Variants in SEPTIN8 observed in about 807,000 individuals in gnomAD.
The protein encoded by SEPTIN8 is septin-8.
SEPTIN8 carries 22 observed loss-of-function variants against 53.1 expected under a neutral mutation model. The observed-to-expected ratio is 0.41, with a 90% CI of 0.30 to 0.59. SEPTIN8 has a LOEUF of 0.59. Ranked by LOEUF, SEPTIN8 falls within the 20% of genes least tolerant of loss-of-function variation. SEPTIN8 has a pLI of 0.24. For missense variants in SEPTIN8, 536 were observed against 638.7 expected (o/e 0.84, Z 1.73); for synonymous variants, 228 against 248.4 (o/e 0.92, Z 0.77).
chr5:132,767,627 C>T (rs1358201777), intron 1 of SEPTIN8, among the ~76,000 whole-genome samples: 1 of 152,100 alleles, frequency 6.6e-6, no homozygotes, highest in Non-Finnish European at 1.5e-5. Flanking sequence ...GACAATGCTA[C>T]CATTTATAAG....
rs370322528 is a variant in SEPTIN8 at position 132,762,668 on chromosome 5, C to G, written c.535-23G>C. ...CACCTGCCAGGATCAGGGGAGGGGA[C>G]AGCAGGCTGGTTGGCTCTTTTGAGC... On this transcript the variant is annotated intron_variant, in intron 4 of 9. Transcript: ENST00000378719. 8.7e-6 allele frequency: 14 copies of G among 1,613,758 alleles called. 1 individual carries two copies. The South Asian group carries it at 1.4e-4, about 16-fold the overall frequency.
At chr5:132,766,171 C>G (rs1239940071) in intron 1 of SEPTIN8, among the ~76,000 whole-genome samples, 1 of 152,220 alleles carries the variant, frequency 6.6e-6, no homozygotes, top group Non-Finnish European at 1.5e-5. Flanking sequence ...ACAACCCCCC[C>G]GTGGGGCTCA....
intron 9 of SEPTIN8, chr5:132,758,535 A>C (rs1162058927): frequency 1.2e-6 from 2 of 1,613,404 alleles, no homozygotes; most frequent in Admixed American, 1.7e-5. Context: ...TGACACTGTA[A>C]ATGGAAGACC....
At chr5:132,752,866 G>C in intron 9 of SEPTIN8, 3 of 1,613,178 alleles carry the variant, frequency 1.9e-6, no homozygotes, top group Non-Finnish European at 2.5e-6. Context: ...TCTAATACAG[G>C]TTGGTGATAT....
Position 132,760,374 on chromosome 5 carries a change from G to T in SEPTIN8, c.1286+428C>A, listed in dbSNP as rs907289171. Reference sequence around the variant, plus strand: ...TTCCCAGCATTCCCAGAGCCCTGCAGCTTCGCCCTCTCCACGCTGCTCCTC... The same window carrying T: ...TTCCCAGCATTCCCAGAGCCCTGCATCTTCGCCCTCTCCACGCTGCTCCTC... On this transcript the variant is annotated intron_variant, in intron 9 of 9. Transcript: ENST00000378719. This position sits in a 1 kb window ranked among gnomAD's most constrained non-coding sequence, Gnocchi z 5.2. Among the ~76,000 whole-genome samples the T allele has an allele frequency of 6.6e-6, 1 of 152,164 alleles. No individual in the cohort carries two copies. Among genetic ancestry groups the T allele is most frequent in the East Asian group, 1.9e-4 (1 of 5,152 alleles).
Position 132,761,235 on chromosome 5 carries a change from C to G in SEPTIN8, c.993G>C (p.Lys331Asn), listed in dbSNP as rs1473036173. The G allele has an allele frequency of 6.2e-7, 1 of 1,614,026 alleles. No individual in the cohort carries two copies. Among genetic ancestry groups the G allele is most frequent in the African/African-American group, 1.3e-5 (1 of 74,930 alleles). ...SLQETYEAKR[K>N]EFLSELQRKE... ...TCCTCTGCAGCTCACTTAGGAACTC[C>G]TTCCTCTTGGCCTCGTATGTCTCTT... is the stretch of plus-strand genomic sequence containing the variant. The change falls in exon 8 of 10, where the codon AAG (lysine) becomes AAC (asparagine). Residue 331 changes from lysine to asparagine, a missense_variant. Coordinates refer to ENST00000378719, the MANE Select transcript of SEPTIN8 (RefSeq NM_001098811.2). The surrounding 1 kb of genome is among the most constrained non-coding windows in gnomAD (Gnocchi z 5.8).
Position 132,751,766 on chromosome 5 carries a change from T to TTTTTC in SEPTIN8, c.*249_*250insGAAAA. On this transcript the variant is annotated 3_prime_UTR_variant, in exon 10 of 10. Transcript: ENST00000378719. Reference sequence around the variant, plus strand: ...CACAAAGCAGACTTTTTTTTTTTTTTGGTCCCGGAGTGGAAGCTCAGCTTG... The same window carrying TTTTTC: ...CACAAAGCAGACTTTTTTTTTTTTTTTTTTCGGTCCCGGAGTGGAAGCTCAGCTTG... 1.6e-6 allele frequency: 1 copy of TTTTTC among 608,260 alleles called. No individual in the cohort carries two copies. Among genetic ancestry groups the TTTTTC allele is most frequent in the African/African-American group, 1.9e-5 (1 of 53,630 alleles). The allele number at this position is 608,260 out of a possible 1,614,324, so 37.7% of individuals were successfully genotyped here.
intron 1 of SEPTIN8, chr5:132,774,079 G>A (rs1477219847): frequency 6.1e-6 from 1 of 163,860 alleles, no homozygotes; most frequent in African/African-American, 2.4e-5. Flanking sequence ...ATATCACTCT[G>A]ACAGAGACCT....
At position 132,762,456 on chromosome 5, in the gene SEPTIN8, G is replaced by A. The variant is rs947544539; in HGVS notation, c.696+28C>T. ...CCGGCTCCTCGCCCTCTGGCCCCAG[G>A]GCCCTGAGGCCCTCACCCAACGCTC... On this transcript the variant is annotated intron_variant, in intron 5 of 9. Transcript: ENST00000378719. The A allele has an allele frequency of 5.6e-6, 9 of 1,610,974 alleles. No individual in the cohort carries two copies. The African/African-American group carries it at 1.1e-4, about 19-fold the overall frequency.
intron 3 of SEPTIN8, 121 bp downstream of exon 3, chr5:132,764,103 C>T (rs1756309150): frequency 5.3e-6 from 6 of 1,128,794 alleles, no homozygotes; most frequent in Non-Finnish European, 7.5e-6. Flanking sequence ...CACAGAGCCT[C>T]AGATATTCCC....
In SEPTIN8 at chr5:132,761,281, G is replaced by T. The variant is rs761025585; in HGVS notation, c.963-16C>A. Reference sequence around the variant, plus strand: ...CTCTTGTAGGCTGTGGAGACCCAGAGAAAAGAGGCCAAGGATGGGATTATG... The same window carrying T: ...CTCTTGTAGGCTGTGGAGACCCAGATAAAAGAGGCCAAGGATGGGATTATG... On this transcript the variant is annotated splice_polypyrimidine_tract_variant and intron_variant, in intron 7 of 9. Coordinates refer to ENST00000378719, the MANE Select transcript of SEPTIN8 (RefSeq NM_001098811.2). This position sits in a 1 kb window ranked among gnomAD's most constrained non-coding sequence, Gnocchi z 5.8. 1.2e-5 allele frequency: 19 copies of T among 1,612,478 alleles called. No homozygotes were observed. Among genetic ancestry groups the T allele is most frequent in the African/African-American group, 2.7e-5 (2 of 74,924 alleles).
chr5:132,772,314 T>G (rs1757400851), intron 1 of SEPTIN8, among the ~76,000 whole-genome samples: 1 of 152,208 alleles, frequency 6.6e-6, no homozygotes, highest in Admixed American at 6.5e-5. Context: ...GCACAGTTAC[T>G]GGTAGCTGGG....
chr5:132,767,203 C>A (rs1196620667), intron 1 of SEPTIN8, among the ~76,000 whole-genome samples: 1 of 152,200 alleles, frequency 6.6e-6, no homozygotes, highest in Non-Finnish European at 1.5e-5. Flanking sequence ...CATAATTGGA[C>A]AAGGAGGTCC....
At chr5:132,769,975 A>T (rs76954025) in intron 1 of SEPTIN8, among the ~76,000 whole-genome samples, 2 of 70,306 alleles carry the variant, frequency 2.8e-5, no homozygotes, top group Non-Finnish European at 6.0e-5. Context: ...ATCTCTCTCT[A>T]TATATACATA....
upstream of SEPTIN8, chr5:132,778,107 G>A (rs989096098): frequency 2.0e-6 from 2 of 983,400 alleles, no homozygotes; most frequent in African/African-American, 3.5e-5. Flanking sequence ...GGCCTCAGGA[G>A]GTTCTGTATC....
At chr5:132,756,185 C>T in intron 9 of SEPTIN8, 1 of 985,452 alleles carries the variant, frequency 1.0e-6, no homozygotes, top group South Asian at 4.7e-5. Flanking sequence ...CCCCACTTAA[C>T]AGGGAGCCCA....
chr5:132,761,163 T>C lies in SEPTIN8; in HGVS notation c.1065A>G (p.Thr355=). Residue 355 remains threonine, a synonymous_variant, in exon 8 of 10, where the codon ACA becomes ACG. Transcript: ENST00000378719. The surrounding 1 kb of genome is among the most constrained non-coding windows in gnomAD (Gnocchi z 5.8). ...RQMFVNKVKE[T]ELELKEKERE... is the part of the protein sequence containing the mutation. ...TTTCCTTCTCCTTCAGCTCCAGCTC[T>C]GTCTCCTTCACTTTGTTGACAAACA... is the stretch of plus-strand genomic sequence containing the variant. The C allele has an allele frequency of 1.9e-6, 3 of 1,614,264 alleles. No homozygotes were observed. Among genetic ancestry groups the C allele is most frequent in the Non-Finnish European group, 2.5e-6 (3 of 1,180,050 alleles).
chr5:132,752,931 A>T, intron 9 of SEPTIN8: 1 of 1,614,162 alleles, frequency 6.2e-7, no homozygotes, highest in Non-Finnish European at 8.5e-7. Context: ...GTCTTCAGTC[A>T]TCCTCCTGCA....
intron 9 of SEPTIN8, chr5:132,756,407 A>AC: frequency 7.1e-6 from 7 of 985,368 alleles, no homozygotes; most frequent in Non-Finnish European, 8.4e-6. Flanking sequence ...TCTACCTCAA[A>AC]CAAACATGGT....
Sources: allele counts gnomAD v4.1 joint callset (sites outside exome capture counted in the v4.1 genomes callset), GRCh38; gene constraint gnomAD v4.1.1; non-coding constraint Gnocchi (gnomAD v3.1); transcripts MANE v1.5; gene names NCBI Gene and HGNC (gene_info 2026-07-23, HGNC 2026-07-21).